FBXO36: variants seen among roughly 807,000 people sequenced by gnomAD.
FBXO36 encodes F-box only protein 36.
Under a neutral mutation model 17.0 loss-of-function variants are expected in FBXO36, and 18 were observed. The observed-to-expected ratio is 1.06, with a 90% CI of 0.73 to 1.57. FBXO36 has a LOEUF of 1.57. Ranked by LOEUF, FBXO36 falls within the 40% of genes most tolerant of loss-of-function variation. FBXO36 has a pLI of 0.00. For synonymous variants in FBXO36, 83 were observed against 85.3 expected, an observed-to-expected ratio of 0.97 and a Z score of 0.15; for missense variants, 229 against 221.9, an observed-to-expected ratio of 1.03 and a Z score of -0.20.
intron 1 of FBXO36, among the ~76,000 whole-genome samples, chr2:229,956,367 C>T (rs888504347): frequency 2.0e-5 from 3 of 152,062 alleles, no homozygotes; most frequent in Non-Finnish European, 4.4e-5. Context: ...TCTGAAGGTT[C>T]CGTAATTTGA....
chr2:229,973,645 C>T (rs890573882), intron 1 of FBXO36, among the ~76,000 whole-genome samples: 5 of 151,210 alleles, frequency 3.3e-5, no homozygotes, highest in East Asian at 3.9e-4. Context: ...TGCTTGAACC[C>T]GGGAGGCGGA....
At chr2:230,010,497 G>A (rs1246592830) in intron 3 of FBXO36, among the ~76,000 whole-genome samples, 199 bp from the exon 4 acceptor site, 2 of 152,176 alleles carry the variant, frequency 1.3e-5, no homozygotes, top group Non-Finnish European at 2.9e-5. Flanking sequence ...GTTTAAGTGT[G>A]TGCAGAAGGG....
At chr2:229,959,782 C>G (rs1284457057) in intron 1 of FBXO36, among the ~76,000 whole-genome samples, 2 of 151,832 alleles carry the variant, frequency 1.3e-5, no homozygotes, top group East Asian at 1.9e-4. Context: ...GGAGGTGGAG[C>G]TTGCAGTGAG....
chr2:229,935,916 G>A (rs1051441255), intron 1 of FBXO36, among the ~76,000 whole-genome samples: 5 of 152,168 alleles, frequency 3.3e-5, no homozygotes, highest in African/African-American at 9.7e-5. Flanking sequence ...GGCCAGGTGC[G>A]GTGGCTCACC....
intron 1 of FBXO36, among the ~76,000 whole-genome samples, chr2:229,975,781 C>T (rs1376644920): frequency 7.9e-6 from 1 of 126,524 alleles, no homozygotes; most frequent in Non-Finnish European, 1.6e-5. Flanking sequence ...CAGCCTTTGA[C>T]CTGATCTATT....
chr2:229,993,920 T>G (rs1251745542), intron 2 of FBXO36, among the ~76,000 whole-genome samples: 2 of 151,844 alleles, frequency 1.3e-5, no homozygotes, highest in East Asian at 3.9e-4. Context: ...CACGCCCGGC[T>G]AATTTTTTTT....
intron 3 of FBXO36, among the ~76,000 whole-genome samples, chr2:230,006,100 T>G (rs912803602): frequency 5.4e-5 from 8 of 148,044 alleles, no homozygotes; most frequent in East Asian, 1.9e-4. Flanking sequence ...TTTTATTTTA[T>G]TTTAGTTTTT....
chr2:230,009,106 C>G (rs2077401634), intron 3 of FBXO36, among the ~76,000 whole-genome samples: 1 of 152,100 alleles, frequency 6.6e-6, no homozygotes, highest in Non-Finnish European at 1.5e-5. Context: ...GCTTTCTGTT[C>G]AGAAGTGAAC....
chr2:230,012,366 T>C lies in FBXO36; in HGVS notation c.*1482T>C, dbSNP rs1039360621. 1 of 152,226 alleles carries C rather than the reference T, an allele frequency of 6.6e-6. No homozygotes were observed. The highest frequency in any genetic ancestry group is 2.4e-5 in the African/African-American group (1 of 41,454). The allele number at this position is 152,226 out of a possible 1,614,324, so 9.4% of individuals were successfully genotyped here. ...GTCACGGGGCTCCCCGGTGCCAGTT[T>C]GAGACCGTCAACCTAGCCCTCTCTG... On this transcript the variant is annotated 3_prime_UTR_variant, in exon 4 of 4. Coordinates refer to ENST00000283946, the MANE Select transcript of FBXO36 (RefSeq NM_174899.5).
rs115277725 is a variant in FBXO36 at position 230,011,029 on chromosome 2, A to G, written c.*145A>G. On this transcript the variant is annotated 3_prime_UTR_variant, in exon 4 of 4. Transcript: ENST00000283946. ...GAAACTCGTAGGGGATTTGCACACA[A>G]ATGCAGCAGAGTCTGGCTCCCCAGT... is the stretch of plus-strand genomic sequence containing the variant. 2 of 864,596 alleles carry G rather than the reference A, an allele frequency of 2.3e-6. No homozygotes were observed. Among genetic ancestry groups the G allele is most frequent in the South Asian group, 1.9e-5 (1 of 53,520 alleles). The allele number at this position is 864,596 out of a possible 1,614,324, so 53.6% of individuals were successfully genotyped here. A position where few individuals can be genotyped will look rare whatever the true frequency, so the allele number is the denominator to read the frequency against.
chr2:229,953,478 C>A (rs1483052463), intron 1 of FBXO36, among the ~76,000 whole-genome samples: 1 of 151,660 alleles, frequency 6.6e-6, no homozygotes, highest in Admixed American at 6.6e-5. Context: ...GAGTTTGAGA[C>A]CAGCCTGGGC....
At position 229,960,752 on chromosome 2, in the gene FBXO36, G is replaced by A. The variant is rs79295772; in HGVS notation, c.97-15489G>A. Among the ~76,000 whole-genome samples the A allele has an allele frequency of 1.6e-3, 246 of 152,314 alleles. 3 individuals carry two copies. The highest frequency in any genetic ancestry group is 5.3e-3 in the African/African-American group (219 of 41,580). On this transcript the variant is annotated intron_variant, in intron 1 of 3. Transcript: ENST00000283946. ...TTCTAGCCTCAAGCCACCCCAAAGT[G>A]TTGAGCCACAACACCCAGCCTAGAA...
intron 1 of FBXO36, among the ~76,000 whole-genome samples, chr2:229,966,231 T>G (rs895972120): frequency 6.6e-6 from 1 of 152,190 alleles, no homozygotes; most frequent in African/African-American, 2.4e-5. Context: ...GGGTTGTTTG[T>G]TTTTTTCTTG....
At chr2:229,978,886 CATT>C (rs2077223529) in intron 2 of FBXO36, among the ~76,000 whole-genome samples, 1 of 151,962 alleles carries the variant, frequency 6.6e-6, no homozygotes, top group African/African-American at 2.4e-5. Context: ...TAAAAAATTC[CATT>C]ATTTAGGCCG....
At chr2:229,956,161 C>T (rs989222513) in intron 1 of FBXO36, among the ~76,000 whole-genome samples, 8 of 152,172 alleles carry the variant, frequency 5.3e-5, no homozygotes, top group African/African-American at 1.9e-4. Flanking sequence ...GCCATAGACT[C>T]GATGACTTAA....
At chr2:229,965,185 A>G (rs1414346193) in intron 1 of FBXO36, among the ~76,000 whole-genome samples, 1 of 97,512 alleles carries the variant, frequency 1.0e-5, no homozygotes, top group Non-Finnish European at 2.0e-5. Context: ...GGGTCTTACT[A>G]TGTTGCCCAG....
chr2:229,933,772 A>G (rs371363980), intron 1 of FBXO36, among the ~76,000 whole-genome samples: 1 of 151,984 alleles, frequency 6.6e-6, no homozygotes, highest in East Asian at 1.9e-4. Context: ...TGCAACCCAC[A>G]CTTCCCGGGT....
chr2:229,940,502 T>C (rs2076992547), intron 1 of FBXO36, among the ~76,000 whole-genome samples: 1 of 152,062 alleles, frequency 6.6e-6, no homozygotes, highest in East Asian at 1.9e-4. Context: ...CCGAATTATG[T>C]CTCCCCCCAA....
intron 1 of FBXO36, among the ~76,000 whole-genome samples, chr2:229,950,923 A>ATTATT (rs370225121): frequency 0.022 from 3,396 of 151,256 alleles, 135 homozygotes; most frequent in African/African-American, 0.077. Flanking sequence ...TGCCCCACTA[A>ATTATT]TTATTTTATT....
Sources: allele counts gnomAD v4.1 joint callset (sites outside exome capture counted in the v4.1 genomes callset), GRCh38; gene constraint gnomAD v4.1.1; transcripts MANE v1.5; gene names NCBI Gene and HGNC (gene_info 2026-07-23, HGNC 2026-07-21).